The following KCNIP1 variants were observed in gnomAD, a reference collection of about 807,000 sequenced individuals.
KCNIP1 encodes the protein potassium voltage-gated channel interacting protein 1.
A neutral mutation model predicts 33.0 loss-of-function variants in KCNIP1; 18 were observed. The observed-to-expected ratio is 0.55, with a 90% CI of 0.38 to 0.81. The LOEUF (loss-of-function observed/expected upper bound fraction) is 0.81. Among genes scored for constraint, KCNIP1 ranks in the 30% least tolerant of loss-of-function variants. The pLI is 0.00. For synonymous variants in KCNIP1, 93 were observed against 98.3 expected (o/e 0.95, Z 0.32); for missense variants, 238 against 271.6 (o/e 0.88, Z 0.87).
chr5:170,506,031 TG>T (rs1754703175), intron 1 of KCNIP1, among the ~76,000 whole-genome samples: 1 of 152,186 alleles, frequency 6.6e-6, no homozygotes, highest in Non-Finnish European at 1.5e-5. Flanking sequence ...GCTGCTTGAC[TG>T]GGGACAATTT....
chr5:170,517,242 G>A (rs751319965), intron 1 of KCNIP1, among the ~76,000 whole-genome samples: 1 of 152,106 alleles, frequency 6.6e-6, no homozygotes, highest in Non-Finnish European at 1.5e-5. Flanking sequence ...GCAAAGGGGG[G>A]TGTGCTACAT....
At chr5:170,434,912 G>A (rs934110475) in intron 1 of KCNIP1, among the ~76,000 whole-genome samples, 2 of 152,296 alleles carry the variant, frequency 1.3e-5, no homozygotes, top group African/African-American at 4.8e-5. Flanking sequence ...CCAAGGTCGT[G>A]CCACTGAACT....
At chr5:170,516,828 G>A (rs1755141476) in intron 1 of KCNIP1, among the ~76,000 whole-genome samples, 1 of 152,184 alleles carries the variant, frequency 6.6e-6, no homozygotes, top group Non-Finnish European at 1.5e-5. Flanking sequence ...CAATTCATTG[G>A]ATTGTCATGA....
intron 1 of KCNIP1, among the ~76,000 whole-genome samples, chr5:170,397,399 GGCTTACATA>G (rs990112504): frequency 1.3e-5 from 2 of 152,138 alleles, no homozygotes; most frequent in Admixed American, 1.3e-4. Context: ...GGTCAGGAGG[GGCTTACATA>G]GATATCAGTC....
rs1005250308 is a variant in KCNIP1, at chr5:170,504,756, C to T, written c.61+123C>T. The T allele has an allele frequency of 6.2e-6, 5 of 807,972 alleles. No individual in the cohort carries two copies. Among genetic ancestry groups the T allele is most frequent in the African/African-American group, 3.4e-5 (2 of 58,852 alleles). The allele number at this position is 807,972 out of a possible 1,614,324, so 50.1% of individuals were successfully genotyped here. A position where few individuals can be genotyped will look rare whatever the true frequency, so the allele number is the denominator to read the frequency against. On this transcript the variant is annotated intron_variant, in intron 1 of 7. Transcript: ENST00000328939. The surrounding 1 kb of genome is among the most constrained non-coding windows in gnomAD (Gnocchi z 6.0). Reference sequence around the variant, plus strand: ...TCTCCACGAGGAGCCCGGACAGGTGCTTGTATCCAAAGGAGAGAGAAATCG... The same window carrying T: ...TCTCCACGAGGAGCCCGGACAGGTGTTTGTATCCAAAGGAGAGAGAAATCG...
At chr5:170,459,007 G>T (rs1254511016) in intron 1 of KCNIP1, among the ~76,000 whole-genome samples, 2 of 152,060 alleles carry the variant, frequency 1.3e-5, no homozygotes, top group African/African-American at 2.4e-5. Flanking sequence ...AAGGTAAAGG[G>T]GTGGAAAAGA....
At chr5:170,498,240 T>C (rs1757348250) in intron 1 of KCNIP1, among the ~76,000 whole-genome samples, 1 of 152,240 alleles carries the variant, frequency 6.6e-6, no homozygotes, top group Non-Finnish European at 1.5e-5. Flanking sequence ...TCAGGCACTT[T>C]TGTAATCACG....
chr5:170,362,944 C>T (rs1409443628), intron 1 of KCNIP1, among the ~76,000 whole-genome samples: 1 of 152,220 alleles, frequency 6.6e-6, no homozygotes, highest in African/African-American at 2.4e-5. Flanking sequence ...TATTGGATTG[C>T]AGAATGATCC....
chr5:170,667,717 A>G (rs1157927156), intron 1 of KCNIP1, among the ~76,000 whole-genome samples: 1 of 152,276 alleles, frequency 6.6e-6, no homozygotes, highest in Non-Finnish European at 1.5e-5. Context: ...GCACAATGTA[A>G]GGATAACAAT....
At chr5:170,386,265 A>G (rs1764468884) in intron 1 of KCNIP1, among the ~76,000 whole-genome samples, 1 of 152,238 alleles carries the variant, frequency 6.6e-6, no homozygotes, top group Non-Finnish European at 1.5e-5. Context: ...GAGAAAGCTA[A>G]GGTGATATGA....
chr5:170,502,062 A>G (rs900499890), upstream of KCNIP1, among the ~76,000 whole-genome samples: 1 of 152,228 alleles, frequency 6.6e-6, no homozygotes, highest in Non-Finnish European at 1.5e-5. Context: ...GGAGACCACG[A>G]CAGAGGCCTG....
intron 1 of KCNIP1, among the ~76,000 whole-genome samples, chr5:170,428,077 C>A (rs898203823): frequency 6.6e-6 from 1 of 152,220 alleles, no homozygotes; most frequent in African/African-American, 2.4e-5. Flanking sequence ...CACCTGTTTC[C>A]TTCCACTCCT....
At chr5:170,665,336 T>A (rs1345046996) in intron 1 of KCNIP1, among the ~76,000 whole-genome samples, 1 of 151,266 alleles carries the variant, frequency 6.6e-6, no homozygotes, top group Non-Finnish European at 1.5e-5. Flanking sequence ...ATCTGGATTT[T>A]TTTTTTCTGG....
At chr5:170,396,726 A>G (rs1167082831) in intron 1 of KCNIP1, among the ~76,000 whole-genome samples, 1 of 152,218 alleles carries the variant, frequency 6.6e-6, no homozygotes, top group Non-Finnish European at 1.5e-5. Flanking sequence ...GGGTTATGGA[A>G]ACTAAGGTTA....
chr5:170,483,726 T>A (rs1390720084), intron 1 of KCNIP1: 1 of 152,204 alleles, frequency 6.6e-6, no homozygotes, highest in Non-Finnish European at 1.5e-5. Flanking sequence ...ACGCAGCATC[T>A]GTAGATTCCC....
rs78959645 is a variant in KCNIP1 at position 170,543,675 on chromosome 5, G to C, written c.61+39042G>C. Among the ~76,000 whole-genome samples, 1,124 of 152,328 alleles carry C rather than the reference G, an allele frequency of 7.4e-3. 19 individuals carry two copies. The highest frequency in any genetic ancestry group is 0.026 in the African/African-American group (1,063 of 41,562). ...CATAGGCCTCTTCCAATCGTTAGAAGATAACATTTTTCTCCTTTGAAGCAC... is the reference window on the plus strand; with the variant it reads ...CATAGGCCTCTTCCAATCGTTAGAACATAACATTTTTCTCCTTTGAAGCAC... On this transcript the variant is annotated intron_variant, in intron 1 of 7. Coordinates refer to ENST00000328939, the MANE Select transcript of KCNIP1 (RefSeq NM_014592.4).
intron 1 of KCNIP1, among the ~76,000 whole-genome samples, chr5:170,498,253 C>T (rs571937750): frequency 6.6e-6 from 1 of 152,370 alleles, no homozygotes; most frequent in East Asian, 1.9e-4. Flanking sequence ...TAATCACGAT[C>T]ACTTTCAGCC....
chr5:170,385,445 C>T (rs755789739), intron 1 of KCNIP1: 4 of 1,614,142 alleles, frequency 2.5e-6, no homozygotes, highest in Non-Finnish European at 2.5e-6. Context: ...GCTTCTTCAC[C>T]ATATTCACTG....
At chr5:170,560,639 C>T (rs560073954) in intron 1 of KCNIP1, among the ~76,000 whole-genome samples, 1 of 152,204 alleles carries the variant, frequency 6.6e-6, no homozygotes, top group East Asian at 1.9e-4. Context: ...AGTTTCCAGA[C>T]CTATCTAGAA....
Sources: allele counts gnomAD v4.1 joint callset (sites outside exome capture counted in the v4.1 genomes callset), GRCh38; gene constraint gnomAD v4.1.1; non-coding constraint Gnocchi (gnomAD v3.1); transcripts MANE v1.5; gene names NCBI Gene and HGNC (gene_info 2026-07-23, HGNC 2026-07-21).